Variants in COL5A1 observed in about 807,000 individuals in gnomAD.
COL5A1 encodes the protein collagen alpha-1(V) chain.
In COL5A1, 16 loss-of-function variants were observed where a neutral mutation model predicts 263.7. The observed-to-expected ratio is 0.06, with a 90% CI of 0.04 to 0.09. The LOEUF (loss-of-function observed/expected upper bound fraction) is 0.09. COL5A1 is among the 10% of genes least tolerant of loss of function. COL5A1 has a pLI of 1.00. For synonymous variants in COL5A1, 1,012 were observed against 1,004.5 expected (o/e 1.01, Z -0.14); for missense variants, 2,036 against 2,540.5 (o/e 0.80, Z 4.27).
intron 11 of COL5A1, among the ~76,000 whole-genome samples, chr9:134,745,998 A>G (rs1478690673): frequency 6.6e-6 from 1 of 151,996 alleles, no homozygotes; most frequent in Non-Finnish European, 1.5e-5. Context: ...AGGACTCATC[A>G]TTGGATTTAG....
At chr9:134,701,076 G>A in intron 3 of COL5A1, 95 bp from the exon 4 acceptor site, 4 of 1,270,546 alleles carry the variant, frequency 3.1e-6, no homozygotes, top group Middle Eastern at 2.0e-4. Context: ...TGCAGGAAGT[G>A]GGCCTTCTTC....
At chr9:134,835,410 G>A (rs1273749589) in intron 65 of COL5A1, among the ~76,000 whole-genome samples, 1 of 152,230 alleles carries the variant, frequency 6.6e-6, no homozygotes, top group Non-Finnish European at 1.5e-5. Context: ...ACTTGGGAGA[G>A]TTCTGTGGGT....
chr9:134,651,800 A>G (rs765558650), intron 1 of COL5A1, among the ~76,000 whole-genome samples: 4 of 152,194 alleles, frequency 2.6e-5, no homozygotes, highest in Admixed American at 2.0e-4. Flanking sequence ...CCTTCCCACC[A>G]CTGTGTCCAT....
intron 11 of COL5A1, among the ~76,000 whole-genome samples, chr9:134,748,100 T>C (rs1002873605): frequency 1.3e-5 from 1 of 74,552 alleles, no homozygotes; most frequent in Non-Finnish European, 3.0e-5. Context: ...CAGACATGCA[T>C]CCACACATGC....
chr9:134,743,148 C>T (rs950631932), intron 11 of COL5A1, among the ~76,000 whole-genome samples: 16 of 152,188 alleles, frequency 1.1e-4, no homozygotes, highest in African/African-American at 9.7e-5. Context: ...TTCCCTTCCC[C>T]GTGTGCCTCT....
intron 18 of COL5A1, among the ~76,000 whole-genome samples, chr9:134,759,130 G>T (rs1836108501): frequency 6.6e-6 from 1 of 151,990 alleles, no homozygotes; most frequent in Admixed American, 6.5e-5. Context: ...TTTCTGTGAA[G>T]CAGATTTCTC....
At chr9:134,800,753 A>C (rs1278207616) in intron 37 of COL5A1, among the ~76,000 whole-genome samples, 1 of 147,548 alleles carries the variant, frequency 6.8e-6, no homozygotes, top group Non-Finnish European at 1.5e-5. Flanking sequence ...CTCAAACAAA[A>C]AAAAAAAAAA....
chr9:134,832,655 ACT>A (rs1452041092), intron 64 of COL5A1: 5 of 151,544 alleles, frequency 3.3e-5, no homozygotes, highest in African/African-American at 9.7e-5. Context: ...TGTGGTGCAC[ACT>A]CTTCCTCGAG....
At chr9:134,738,606 A>AG (rs1236552084) in intron 10 of COL5A1, 91 bp downstream of exon 10, 2 of 1,569,524 alleles carry the variant, frequency 1.3e-6, no homozygotes, top group African/African-American at 1.4e-5. Context: ...GATGGAAAAG[A>AG]GGGGGGCTCT....
In COL5A1 at chr9:134,647,605, C is replaced by T. The variant is rs1172789062; in HGVS notation, c.109+5309C>T. 2.0e-5 allele frequency among the ~76,000 whole-genome samples: 3 copies of T among 152,182 alleles called. No homozygotes were observed. Among genetic ancestry groups the T allele is most frequent in the Non-Finnish European group, 4.4e-5 (3 of 68,034 alleles). The stretch of plus-strand genomic sequence containing the variant: ...GGCAGGGCGACGTTTCTCTCCTTAC[C>T]GTGACCCGGCCCCAGCTGGACGGGA... On this transcript the variant is annotated intron_variant, in intron 1 of 65. Coordinates refer to ENST00000371817, the MANE Select transcript of COL5A1 (RefSeq NM_000093.5). This position sits in a 1 kb window ranked among gnomAD's most constrained non-coding sequence, Gnocchi z 5.0.
In COL5A1 at chr9:134,765,854, C is replaced by T; in HGVS notation, c.2088+120C>T. 1.3e-6 allele frequency: 1 copy of T among 785,336 alleles called. No individual in the cohort carries two copies. Among genetic ancestry groups the T allele is most frequent in the Non-Finnish European group, 2.1e-6 (1 of 481,230 alleles). The allele number at this position is 785,336 out of a possible 1,614,324, so 48.6% of individuals were successfully genotyped here. ...TCCGTGCTGGCCCCTCTGGCGCCTG[C>T]CTGCTGCCAGTGTGAGGCGTGAGCG... On this transcript the variant is annotated intron_variant, in intron 21 of 65. Transcript: ENST00000371817. This position sits in a 1 kb window ranked among gnomAD's most constrained non-coding sequence, Gnocchi z 5.1.
At chr9:134,654,406 TGTGTGTAGGGCTGGAG>T (rs768170984) in intron 1 of COL5A1, among the ~76,000 whole-genome samples, 2,646 of 39,866 alleles carry the variant, frequency 0.066, 110 homozygotes, top group Non-Finnish European at 0.075. Flanking sequence ...GTAGGGCTGG[TGTGTGTAGGGCTGGAG>T]GTGTGTAGGG....
intron 4 of COL5A1, 50 bp from the exon 5 acceptor site, chr9:134,727,216 A>T: frequency 6.2e-7 from 1 of 1,607,326 alleles, no homozygotes; most frequent in Non-Finnish European, 8.5e-7. Context: ...CCAGGTCCCC[A>T]TGCGAGTGCT....
chr9:134,803,615 A>G (rs1247244601), intron 39 of COL5A1, among the ~76,000 whole-genome samples: 1 of 152,158 alleles, frequency 6.6e-6, no homozygotes, highest in Non-Finnish European at 1.5e-5. Context: ...AGCCTGGTTA[A>G]CACAAATGAA....
intron 4 of COL5A1, among the ~76,000 whole-genome samples, chr9:134,713,666 T>C (rs1286838573): frequency 6.6e-6 from 1 of 152,194 alleles, no homozygotes; most frequent in Non-Finnish European, 1.5e-5. Context: ...TGAAAAAAAC[T>C]TAGGGGTTTG....
At chr9:134,738,874 A>G in intron 11 of COL5A1, 66 bp downstream of exon 11, 5 of 1,337,296 alleles carry the variant, frequency 3.7e-6, no homozygotes, top group Non-Finnish European at 5.4e-6. Flanking sequence ...TCCTCTCCAC[A>G]CTGTGACCCG....
At chr9:134,768,768 G>A (rs1447053540) in intron 25 of COL5A1, among the ~76,000 whole-genome samples, 1 of 152,252 alleles carries the variant, frequency 6.6e-6, no homozygotes, top group Non-Finnish European at 1.5e-5. Context: ...GGAGGGCTGG[G>A]CCGGGCTCCA....
At chr9:134,657,762 G>A (rs958366059) in intron 1 of COL5A1, among the ~76,000 whole-genome samples, 30 of 151,730 alleles carry the variant, frequency 2.0e-4, no homozygotes, top group African/African-American at 7.3e-4. Flanking sequence ...TGACGGGGAA[G>A]GGCAGGGGGT....
intron 2 of COL5A1, among the ~76,000 whole-genome samples, chr9:134,692,512 G>C (rs899904663): frequency 1.3e-5 from 2 of 152,188 alleles, no homozygotes; most frequent in Non-Finnish European, 2.9e-5. Flanking sequence ...TAGAGATCCT[G>C]GGAGGGCTGG....
Sources: allele counts gnomAD v4.1 joint callset (sites outside exome capture counted in the v4.1 genomes callset), GRCh38; gene constraint gnomAD v4.1.1; non-coding constraint Gnocchi (gnomAD v3.1); transcripts MANE v1.5; gene names NCBI Gene and HGNC (gene_info 2026-07-23, HGNC 2026-07-21).